Variants in GPM6A observed in about 807,000 individuals in gnomAD.
The protein encoded by GPM6A is neuronal membrane glycoprotein M6-a.
A neutral mutation model predicts 32.1 loss-of-function variants in GPM6A; 7 were observed. The observed-to-expected ratio is 0.22, with a 90% CI of 0.12 to 0.41. The LOEUF is 0.41. GPM6A is among the 10% of genes least tolerant of loss of function. The pLI is 1.00. For synonymous variants in GPM6A, 130 were observed against 123.4 expected (o/e 1.05, Z -0.35); for missense variants, 235 against 347.2 (o/e 0.68, Z 2.57).
intron 3 of GPM6A, among the ~76,000 whole-genome samples, chr4:175,655,521 T>G (rs1427204289): frequency 6.6e-6 from 1 of 152,088 alleles, no homozygotes; most frequent in Admixed American, 6.6e-5. Flanking sequence ...TATTTTGTCA[T>G]CTGAATGTTA....
chr4:175,914,162 G>C lies in GPM6A; in HGVS notation c.-23+88147C>G, dbSNP rs183807948. Reference sequence around the variant, plus strand: ...AAGAGAAAAGGAAAAAAAAATGTGTGGGGGGGGTAGGGATATGTAGTGAGG... The same window carrying C: ...AAGAGAAAAGGAAAAAAAAATGTGTCGGGGGGGTAGGGATATGTAGTGAGG... On this transcript the variant is annotated intron_variant, in intron 1 of 7. Transcript: ENST00000280187. 1.2e-4 allele frequency among the ~76,000 whole-genome samples: 14 copies of C among 116,398 alleles called. No individual in the cohort carries two copies. The South Asian group carries it at 3.5e-3, about 29-fold the overall frequency. 76.4% of individuals were successfully genotyped at this position (116,398 alleles called of 152,430 possible). A position where few individuals can be genotyped will look rare whatever the true frequency, so the allele number is the denominator to read the frequency against.
intron 2 of GPM6A, among the ~76,000 whole-genome samples, chr4:175,680,601 A>G (rs1743628100): frequency 6.6e-6 from 1 of 152,032 alleles, no homozygotes; most frequent in South Asian, 2.1e-4. Context: ...ATCCATATTG[A>G]CTTAGTTTCA....
chr4:175,818,804 TAATG>T (rs1182014804), intron 1 of GPM6A, among the ~76,000 whole-genome samples: 1 of 152,148 alleles, frequency 6.6e-6, no homozygotes, highest in Non-Finnish European at 1.5e-5. Context: ...GGCAAAACGA[TAATG>T]AGATATTTCA....
chr4:175,893,417 G>T (rs1737704829), intron 1 of GPM6A, among the ~76,000 whole-genome samples: 1 of 152,072 alleles, frequency 6.6e-6, no homozygotes, highest in Non-Finnish European at 1.5e-5. Flanking sequence ...ATTCCCTTAA[G>T]AACTCCTTAG....
chr4:175,929,064 G>C (rs1024477174), intron 1 of GPM6A, among the ~76,000 whole-genome samples: 8 of 152,120 alleles, frequency 5.3e-5, no homozygotes, highest in Admixed American at 3.9e-4. Flanking sequence ...GGTTTATGTG[G>C]AATAAATAAG....
At chr4:175,971,587 A>G (rs1436144175) in intron 1 of GPM6A, among the ~76,000 whole-genome samples, 1 of 152,112 alleles carries the variant, frequency 6.6e-6, no homozygotes, top group Non-Finnish European at 1.5e-5. Flanking sequence ...CCCTATTTGG[A>G]AGCGGGCGGC....
intron 1 of GPM6A, among the ~76,000 whole-genome samples, chr4:175,992,436 G>A (rs187216810): frequency 6.6e-6 from 1 of 152,134 alleles, no homozygotes; most frequent in African/African-American, 2.4e-5. Flanking sequence ...TACTAACAAG[G>A]AAAGATCTGT....
In GPM6A at chr4:175,809,707, C is replaced by A. The variant is rs181302356; in HGVS notation, c.37+2484G>T. On this transcript the variant is annotated intron_variant, in intron 1 of 6. Transcript: ENST00000393658. ...TTAGGATAAAAGTTAGGACTATTCT[C>A]AATTGTCTTTTAAAGCTTGAGAGGG... Among the ~76,000 whole-genome samples the A allele has an allele frequency of 5.3e-5, 8 of 152,268 alleles. No individual in the cohort carries two copies. In the East Asian group the frequency reaches 1.5e-3, roughly 29 times the overall value.
At chr4:175,690,509 C>G (rs1252047341) in intron 2 of GPM6A, among the ~76,000 whole-genome samples, 1 of 152,206 alleles carries the variant, frequency 6.6e-6, no homozygotes, top group East Asian at 1.9e-4. Flanking sequence ...AAGGTATTGG[C>G]AGAGCCCTAC....
intron 3 of GPM6A, among the ~76,000 whole-genome samples, chr4:175,671,896 G>T (rs898229175): frequency 1.4e-5 from 2 of 141,908 alleles, no homozygotes; most frequent in East Asian, 4.2e-4. Flanking sequence ...ACACCCTGCT[G>T]CATTGCCTCT....
At chr4:175,789,924 C>T (rs1400432284) in intron 1 of GPM6A, among the ~76,000 whole-genome samples, 1 of 152,102 alleles carries the variant, frequency 6.6e-6, no homozygotes, top group Non-Finnish European at 1.5e-5. Context: ...ATAGAAATTG[C>T]CATTGATAGC....
At chr4:175,815,749 C>T (rs544601390), upstream of GPM6A, among the ~76,000 whole-genome samples, 277 of 83,818 alleles carry the variant, frequency 3.3e-3, no homozygotes, top group African/African-American at 0.013. Context: ...TGGAGTTTTG[C>T]TCTTGTTGAC....
At chr4:175,738,689 TTTG>T in intron 1 of GPM6A, among the ~76,000 whole-genome samples, 1 of 152,146 alleles carries the variant, frequency 6.6e-6, no homozygotes, top group South Asian at 2.1e-4. Flanking sequence ...ATCTCTAAGC[TTTG>T]ATAAACAAAA....
chr4:175,997,917 T>A (rs1403723583), intron 1 of GPM6A, among the ~76,000 whole-genome samples: 1 of 152,060 alleles, frequency 6.6e-6, no homozygotes, highest in East Asian at 1.9e-4. Context: ...TATCATGCAG[T>A]TGGCATCCTT....
intron 2 of GPM6A, among the ~76,000 whole-genome samples, chr4:175,697,310 C>G (rs73002154): frequency 0.047 from 7,175 of 152,210 alleles, 205 homozygotes; most frequent in Non-Finnish European, 0.063. Context: ...AAATACCTAC[C>G]CTACTTCTTA....
At chr4:175,813,313 TC>T (rs1164202215), upstream of GPM6A, among the ~76,000 whole-genome samples, 1 of 152,152 alleles carries the variant, frequency 6.6e-6, no homozygotes, top group Non-Finnish European at 1.5e-5. Flanking sequence ...GGAATGCAAA[TC>T]ACAATGCTGC....
intron 1 of GPM6A, among the ~76,000 whole-genome samples, chr4:175,722,994 A>G (rs1418106002): frequency 2.6e-5 from 4 of 152,114 alleles, no homozygotes; most frequent in African/African-American, 7.2e-5. Flanking sequence ...GGCTGCAGTG[A>G]GCCATGATTG....
intron 2 of GPM6A, among the ~76,000 whole-genome samples, chr4:175,686,187 C>T (rs555329776): frequency 9.2e-5 from 14 of 152,044 alleles, no homozygotes; most frequent in African/African-American, 2.7e-4. Flanking sequence ...ATTGCAAGAG[C>T]GAAAATGAAC....
intron 1 of GPM6A, among the ~76,000 whole-genome samples, chr4:175,882,156 A>G (rs1737300121): frequency 6.6e-6 from 1 of 152,088 alleles, no homozygotes; most frequent in Admixed American, 6.5e-5. Context: ...TTTCCATTTA[A>G]TATAAGTCAA....
Sources: allele counts gnomAD v4.1 joint callset (sites outside exome capture counted in the v4.1 genomes callset), GRCh38; gene constraint gnomAD v4.1.1; transcripts MANE v1.5; gene names NCBI Gene and HGNC (gene_info 2026-07-23, HGNC 2026-07-21).